CYTH2: variants seen among roughly 807,000 people sequenced by gnomAD.
CYTH2 encodes cytohesin-2.
Under a neutral mutation model 55.4 loss-of-function variants are expected in CYTH2, and 24 were observed. That is an observed-to-expected ratio of 0.43 (90% CI 0.31 to 0.61). The LOEUF (loss-of-function observed/expected upper bound fraction) is 0.61. Among genes scored for constraint, CYTH2 ranks in the 20% least tolerant of loss-of-function variants. The probability of loss-of-function intolerance (pLI) is 0.08; values close to 1 mark genes in which losing one functional copy is unlikely to be tolerated. For missense variants in CYTH2, 378 were observed against 533.5 expected (o/e 0.71, Z 2.87); for synonymous variants, 221 against 209.6 (o/e 1.05, Z -0.47).
Position 48,479,325 on chromosome 19 carries a change from G to T in CYTH2, c.*115G>T, listed in dbSNP as rs1735628181. 2.1e-6 allele frequency: 2 copies of T among 951,848 alleles called. No homozygotes were observed. Among genetic ancestry groups the T allele is most frequent in the Non-Finnish European group, 3.3e-6 (2 of 607,326 alleles). The allele number at this position is 951,848 out of a possible 1,614,324, so 59.0% of individuals were successfully genotyped here. On this transcript the variant is annotated 3_prime_UTR_variant, in exon 12 of 12. Transcript: ENST00000452733. ...CTGTTTGGAAAATTCACCACCTCTA[G>T]CTCCTCACTGTTCTTTGTAATTAAC...
chr19:48,471,459 A>C (rs952138123), intron 3 of CYTH2, among the ~76,000 whole-genome samples: 1 of 152,246 alleles, frequency 6.6e-6, no homozygotes, highest in South Asian at 2.1e-4. Context: ...GCCTGTTCAC[A>C]TACTCATTTA....
At position 48,471,409 on chromosome 19, in the gene CYTH2, C is replaced by T. The variant is rs137893257; in HGVS notation, c.234+740C>T. ...TCAGGTGATCCGCCCGCCTCAGCCT[C>T]CCAAAGTGTTGGGATTACAGGCATG... On this transcript the variant is annotated intron_variant, in intron 3 of 11. Coordinates refer to ENST00000452733, the MANE Select transcript of CYTH2 (RefSeq NM_004228.7). Among the ~76,000 whole-genome samples, 394 of 152,320 alleles carry T rather than the reference C, an allele frequency of 2.6e-3. 2 individuals carry two copies. The highest frequency in any genetic ancestry group is 8.9e-3 in the African/African-American group (369 of 41,564).
Position 48,480,303 on chromosome 19 carries a change from G to A in CYTH2, c.*1093G>A, listed in dbSNP as rs1972024181. ...TTAACAAACTACAAGTCCCAGCAGG[G>A]ACCGGGACGCGGGTGGGAGAGGCGC... On this transcript the variant is annotated 3_prime_UTR_variant, in exon 12 of 12. Transcript: ENST00000452733. 1 of 152,266 alleles carries A rather than the reference G, an allele frequency of 6.6e-6. No individual in the cohort carries two copies. The highest frequency in any genetic ancestry group is 1.5e-5 in the Non-Finnish European group (1 of 68,052). The allele number at this position is 152,266 out of a possible 1,614,324, so 9.4% of individuals were successfully genotyped here. A position where few individuals can be genotyped will look rare whatever the true frequency, so the allele number is the denominator to read the frequency against.
intron 8 of CYTH2, chr19:48,477,558 C>G (rs1184637416): frequency 1.9e-5 from 3 of 157,006 alleles, no homozygotes; most frequent in Non-Finnish European, 4.2e-5. Flanking sequence ...CTCTCTGCGT[C>G]TTTCCCTCTC....
chr19:48,470,818 A>C (rs1015857396), intron 3 of CYTH2, 149 bp downstream of exon 3: 2 of 837,276 alleles, frequency 2.4e-6, no homozygotes, highest in Non-Finnish European at 3.7e-6. Context: ...CTGGCTGTCC[A>C]TTTGTTTTCT....
In CYTH2 at chr19:48,473,280, T is replaced by C; in HGVS notation, c.354-18T>C. 1.2e-6 allele frequency: 2 copies of C among 1,613,748 alleles called. No individual in the cohort carries two copies. Among genetic ancestry groups the C allele is most frequent in the Non-Finnish European group, 8.5e-7 (1 of 1,179,760 alleles). ...CCATCCTTTCCAAACTGTATGTGTCTTTGTCCCATCCTTCCAGGGAAGAAC... is the reference window on the plus strand; with the variant it reads ...CCATCCTTTCCAAACTGTATGTGTCCTTGTCCCATCCTTCCAGGGAAGAAC... On this transcript the variant is annotated intron_variant, in intron 4 of 11. Transcript: ENST00000452733.
In CYTH2 at chr19:48,474,011, T is replaced by G. The variant is rs1474777348; in HGVS notation, c.541T>G (p.Ser181Ala). Residue 181 changes from serine (S) to alanine (A), a missense_variant, in exon 6 of 12, where the codon TCC (serine) becomes GCC (alanine). Coordinates refer to ENST00000452733, the MANE Select transcript of CYTH2 (RefSeq NM_004228.7). The surrounding 1 kb of genome is among the most constrained non-coding windows in gnomAD (Gnocchi z 4.9). The part of the protein sequence containing the change: ...YCLCNPGVFQ[S>A]TDTCYVLSFA... ...CCTGTGCAACCCTGGGGTTTTCCAGTCCACAGGTGCGGGCCCCAAATCCTG... is the reference window on the plus strand; with the variant it reads ...CCTGTGCAACCCTGGGGTTTTCCAGGCCACAGGTGCGGGCCCCAAATCCTG... The G allele has an allele frequency of 6.2e-7, 1 of 1,608,020 alleles. No homozygotes were observed. The highest frequency in any genetic ancestry group is 1.3e-5 in the African/African-American group (1 of 74,636).
At chr19:48,477,976 AC>A in intron 8 of CYTH2, 92 bp from the exon 9 acceptor site, 1 of 1,015,162 alleles carries the variant, frequency 9.9e-7, no homozygotes, top group Non-Finnish European at 1.5e-6. Flanking sequence ...CCCCACCTCT[AC>A]CGCTCTTGCT....
chr19:48,479,102 G>C, intron 11 of CYTH2, 21 bp from the exon 12 acceptor site: 2 of 1,613,510 alleles, frequency 1.2e-6, no homozygotes, highest in Non-Finnish European at 1.7e-6. Context: ...CCCTCATCCT[G>C]GGACCCCTCC....
chr19:48,480,573 T>C lies in CYTH2; in HGVS notation c.*1363T>C, dbSNP rs935917160. 6.6e-6 allele frequency: 1 copy of C among 151,802 alleles called. No homozygotes were observed. The highest frequency in any genetic ancestry group is 1.5e-5 in the Non-Finnish European group (1 of 67,948). 9.4% of individuals were successfully genotyped at this position (151,802 alleles called of 1,614,324 possible). ...AAGCCACGGTGACCCAGACCCGAGGTTTTTCCGGGCGTCGCAGTTTCCCGA... is the reference window on the plus strand; with the variant it reads ...AAGCCACGGTGACCCAGACCCGAGGCTTTTCCGGGCGTCGCAGTTTCCCGA... On this transcript the variant is annotated 3_prime_UTR_variant, in exon 12 of 12. Transcript: ENST00000452733.
rs750620505 is a variant in CYTH2 at position 48,479,187 on chromosome 19, A to C, written c.1177A>C (p.Lys393Gln). Residue 393 changes from lysine (K) to glutamine (Q), a missense_variant, in exon 12 of 12, where the codon AAG (lysine) becomes CAG (glutamine). Coordinates refer to ENST00000452733, the MANE Select transcript of CYTH2 (RefSeq NM_004228.7). ...AGCGAGAAAGAAGCGGATTTCAGTCAAGAAGAAGCAGGAGCAGCCCTGACC... is the reference window on the plus strand; with the variant it reads ...AGCGAGAAAGAAGCGGATTTCAGTCCAGAAGAAGCAGGAGCAGCCCTGACC... ...LAARKKRISV[K>Q]KKQEQP The C allele has an allele frequency of 2.5e-6, 4 of 1,614,034 alleles. No individual in the cohort carries two copies. Among genetic ancestry groups the C allele is most frequent in the Non-Finnish European group, 2.5e-6 (3 of 1,179,964 alleles).
chr19:48,478,460 CCAA>C lies in CYTH2; in HGVS notation c.987_989del (p.Asn329del). The C allele has an allele frequency of 1.2e-6, 2 of 1,614,086 alleles. No individual in the cohort carries two copies. The highest frequency in any genetic ancestry group is 1.7e-6 in the Non-Finnish European group (2 of 1,179,980). ...CAGAACTGCTTTGAACTTTACATCC[CCAA>C]CAACAAGGGGCAGCTCATCAAAGCC... On this transcript the variant is annotated inframe_deletion, in exon 11 of 12. Coordinates refer to ENST00000452733, the MANE Select transcript of CYTH2 (RefSeq NM_004228.7).
rs1456666647 is a variant in CYTH2 at position 48,480,409 on chromosome 19, G to T, written c.*1199G>T. ...TTTGAGCTCTCCGATGGGATGCGGC[G>T]CTTCGGAATTTCGGGCTTTGATCCC... On this transcript the variant is annotated 3_prime_UTR_variant, in exon 12 of 12. Transcript: ENST00000452733. 6.6e-6 allele frequency: 1 copy of T among 152,228 alleles called. No individual in the cohort carries two copies. The highest frequency in any genetic ancestry group is 2.4e-5 in the African/African-American group (1 of 41,470). The allele number at this position is 152,228 out of a possible 1,614,324, so 9.4% of individuals were successfully genotyped here.
Position 48,474,707 on chromosome 19 carries a change from C to G in CYTH2, c.697-131C>G, listed in dbSNP as rs1295743064. 2.7e-6 allele frequency: 2 copies of G among 749,156 alleles called. No individual in the cohort carries two copies. Among genetic ancestry groups the G allele is most frequent in the East Asian group, 2.7e-5 (1 of 37,012 alleles). 46.4% of individuals were successfully genotyped at this position (749,156 alleles called of 1,614,324 possible). On this transcript the variant is annotated intron_variant, in intron 7 of 11. Coordinates refer to ENST00000452733, the MANE Select transcript of CYTH2 (RefSeq NM_004228.7). The surrounding 1 kb of genome is among the most constrained non-coding windows in gnomAD (Gnocchi z 4.9). Reference sequence around the variant, plus strand: ...CTCCACTTCTCTGCCTTTCACTTCCCTCTCCTCCCCACTACCCCTCTCTCT... The same window carrying G: ...CTCCACTTCTCTGCCTTTCACTTCCGTCTCCTCCCCACTACCCCTCTCTCT...
Position 48,474,169 on chromosome 19 carries a change from C to A in CYTH2, c.548-13C>A. 1.3e-6 allele frequency: 2 copies of A among 1,577,890 alleles called. No homozygotes were observed. The highest frequency in any genetic ancestry group is 1.7e-6 in the Non-Finnish European group (2 of 1,160,458). ...CATGCCTGGGTCGTCACCACCTGCC[C>A]TGTCCGGTGCAGACACGTGCTATGT... On this transcript the variant is annotated splice_polypyrimidine_tract_variant and intron_variant, in intron 6 of 11. Transcript: ENST00000452733. This position sits in a 1 kb window ranked among gnomAD's most constrained non-coding sequence, Gnocchi z 4.9.
rs768354976 is a variant in CYTH2, at chr19:48,478,086, T to G, written c.826T>G (p.Trp276Gly). ...LLKLGGRVKT[W>G]KRRWFILTDN... ...CCTTTCAGGGGGCCGGGTGAAGACG[T>G]GGAAGCGGCGCTGGTTTATCCTCAC... The change falls in exon 9 of 12, where the codon TGG becomes GGG. Residue 276 changes from tryptophan (W) to glycine (G), a missense_variant. Transcript: ENST00000452733. The G allele has an allele frequency of 6.2e-7, 1 of 1,614,076 alleles. No homozygotes were observed. Among genetic ancestry groups the G allele is most frequent in the South Asian group, 1.1e-5 (1 of 91,086 alleles).
rs79730186 is a variant in CYTH2, at chr19:48,472,495, C to G, written c.353+52C>G. On this transcript the variant is annotated intron_variant, in intron 4 of 11. Coordinates refer to ENST00000452733, the MANE Select transcript of CYTH2 (RefSeq NM_004228.7). ...GGCCCCTCCCTCCCACCCCCCAGAC[C>G]CAGCTCCTGCCCTCACACTGGCAGC... 3.4e-5 allele frequency: 49 copies of G among 1,424,702 alleles called. 1 individual carries two copies. In the East Asian group the frequency reaches 3.9e-4, roughly 11 times the overall value. 88.3% of individuals were successfully genotyped at this position (1,424,702 alleles called of 1,614,324 possible).
In CYTH2 at chr19:48,473,352, C is replaced by T. The variant is rs755634400; in HGVS notation, c.408C>T (p.Thr136=). Residue 136 remains threonine (T), a synonymous_variant, in exon 5 of 12, where the codon ACC becomes ACT. Coordinates refer to ENST00000452733, the MANE Select transcript of CYTH2 (RefSeq NM_004228.7). ...LHAFVDLHEF[T]DLNLVQALRQ... is the part of the protein sequence containing the mutation. Reference sequence around the variant, plus strand: ...CTTTTGTGGATCTGCATGAGTTCACCGACCTCAATCTGGTGCAGGCCCTCA... The same window carrying T: ...CTTTTGTGGATCTGCATGAGTTCACTGACCTCAATCTGGTGCAGGCCCTCA... 2.7e-5 allele frequency: 43 copies of T among 1,613,992 alleles called. No individual in the cohort carries two copies. Among genetic ancestry groups the T allele is most frequent in the East Asian group, 6.7e-5 (3 of 44,898 alleles).
At position 48,478,259 on chromosome 19, in the gene CYTH2, C is replaced by T. The variant is rs1303157106; in HGVS notation, c.886-16C>T. 3 of 1,612,168 alleles carry T rather than the reference C, an allele frequency of 1.9e-6. No individual in the cohort carries two copies. In the African/African-American group the frequency reaches 4.0e-5, roughly 22 times the overall value. The stretch of plus-strand genomic sequence containing the variant: ...AGGACTTGGAAGTCTGAGTTCTGTC[C>T]ACCTTGCTTCTTCAGGACAAGGAGC... On this transcript the variant is annotated splice_polypyrimidine_tract_variant and intron_variant, in intron 9 of 11. Transcript: ENST00000452733.
Sources: allele counts gnomAD v4.1 joint callset (sites outside exome capture counted in the v4.1 genomes callset), GRCh38; gene constraint gnomAD v4.1.1; non-coding constraint Gnocchi (gnomAD v3.1); transcripts MANE v1.5; gene names NCBI Gene and HGNC (gene_info 2026-07-23, HGNC 2026-07-21).